ZNF609: variants seen among roughly 807,000 people sequenced by gnomAD.
The protein encoded by ZNF609 is zinc finger protein 609.
ZNF609 carries 11 observed loss-of-function variants against 109.5 expected under a neutral mutation model. The observed-to-expected ratio is 0.10, with a 90% CI of 0.06 to 0.17. The LOEUF (loss-of-function observed/expected upper bound fraction) is 0.17. Ranked by LOEUF, ZNF609 falls within the 10% of genes least tolerant of loss-of-function variation. The pLI, the probability that ZNF609 is intolerant of heterozygous loss-of-function variation, is 1.00. For missense variants in ZNF609, 1,559 were observed against 1,772.4 expected (o/e 0.88, Z 2.16); for synonymous variants, 646 against 662.0 (o/e 0.98, Z 0.37).
rs954246620 is a variant in ZNF609 at position 64,681,757 on chromosome 15, G to A, written c.*71G>A. The stretch of plus-strand genomic sequence containing the variant: ...CTGGCTTACCCAAGGAGGTGCTGAA[G>A]GTGCCGTTTAGACATCAGTTAAATG... On this transcript the variant is annotated 3_prime_UTR_variant, in exon 10 of 10. Transcript: ENST00000326648. The A allele has an allele frequency of 3.2e-5, 6 of 187,084 alleles. No homozygotes were observed. Among genetic ancestry groups the A allele is most frequent in the Non-Finnish European group, 6.7e-5 (6 of 89,546 alleles). 11.6% of individuals were successfully genotyped at this position (187,084 alleles called of 1,614,324 possible).
At chr15:64,575,080 G>T (rs1017330617) in intron 2 of ZNF609, among the ~76,000 whole-genome samples, 1 of 152,172 alleles carries the variant, frequency 6.6e-6, no homozygotes, top group African/African-American at 2.4e-5. Flanking sequence ...TGGTGATGTG[G>T]AAAGTGCTTT....
intron 2 of ZNF609, among the ~76,000 whole-genome samples, chr15:64,571,349 G>C (rs1360808704): frequency 6.6e-6 from 1 of 152,094 alleles, no homozygotes; most frequent in Non-Finnish European, 1.5e-5. Context: ...GCTAAATATA[G>C]TGCTGGCACT....
intron 2 of ZNF609, among the ~76,000 whole-genome samples, chr15:64,527,385 A>G (rs949716531): frequency 1.7e-4 from 25 of 143,838 alleles, no homozygotes; most frequent in African/African-American, 6.5e-4. Flanking sequence ...GGCCCTGCTT[A>G]TTTTCAGAGT....
At position 64,537,946 on chromosome 15, in the gene ZNF609, C is replaced by CA. The variant is rs764180970; in HGVS notation, c.747+37790dup. ...AGAAACCCCGTCTCTACTAAAAATA[C>CA]AAAAAAAAAATTAGCCAGGCATGGT... On this transcript the variant is annotated intron_variant, in intron 2 of 9. Transcript: ENST00000326648. Among the ~76,000 whole-genome samples the CA allele has an allele frequency of 1.9e-3, 284 of 147,686 alleles. 1 individual carries two copies. Among genetic ancestry groups the CA allele is most frequent in the African/African-American group, 5.9e-3 (239 of 40,284 alleles).
chr15:64,677,877 C>A (rs1213793725), intron 5 of ZNF609, among the ~76,000 whole-genome samples: 1 of 152,112 alleles, frequency 6.6e-6, no homozygotes. Flanking sequence ...ATGGATTTTC[C>A]TTTTCTCCCC....
chr15:64,616,382 T>A (rs1895797660), intron 2 of ZNF609, among the ~76,000 whole-genome samples: 1 of 152,086 alleles, frequency 6.6e-6, no homozygotes, highest in Non-Finnish European at 1.5e-5. Context: ...GCAGTTGAAG[T>A]AGGTATATAG....
chr15:64,584,185 A>C (rs1399385557), intron 2 of ZNF609, among the ~76,000 whole-genome samples: 7 of 152,114 alleles, frequency 4.6e-5, no homozygotes, highest in Non-Finnish European at 1.0e-4. Flanking sequence ...TTCCCTGCTG[A>C]TCAGAACTAG....
chr15:64,469,049 AAAAAAAACAAC>A (rs1214957243), intron 1 of ZNF609, among the ~76,000 whole-genome samples: 4,757 of 144,058 alleles, frequency 0.033, 276 homozygotes, highest in Non-Finnish European at 0.051. Flanking sequence ...AAAAAAAAAA[AAAAAAAACAAC>A]ACAATTCAGC....
intron 2 of ZNF609, among the ~76,000 whole-genome samples, chr15:64,575,354 G>A (rs1449672926): frequency 6.6e-6 from 1 of 152,010 alleles, no homozygotes; most frequent in Non-Finnish European, 1.5e-5. Flanking sequence ...AACCTGGGAG[G>A]CGGAGGTTGC....
Position 64,577,228 on chromosome 15 carries a change from CAA to C in ZNF609, c.748-45597_748-45596del, listed in dbSNP as rs1213448892. ...ACATATATATGTATATATATACACA[CAA>C]ATACATACATATATATGTATATATA... is the stretch of plus-strand genomic sequence containing the variant. On this transcript the variant is annotated intron_variant, in intron 2 of 9. Coordinates refer to ENST00000326648, the MANE Select transcript of ZNF609 (RefSeq NM_015042.2). Among the ~76,000 whole-genome samples, 6 of 38,726 alleles carry C rather than the reference CAA, an allele frequency of 1.5e-4. 2 individuals carry two copies. The highest frequency in any genetic ancestry group is 2.6e-4 in the African/African-American group (6 of 23,014). The allele number at this position is 38,726 out of a possible 152,430, so 25.4% of individuals were successfully genotyped here.
chr15:64,495,819 TA>T (rs1893474364), intron 1 of ZNF609, among the ~76,000 whole-genome samples: 1 of 150,746 alleles, frequency 6.6e-6, no homozygotes, highest in Non-Finnish European at 1.5e-5. Flanking sequence ...TTTAACCTGT[TA>T]TCTTTTTTTT....
chr15:64,481,144 T>C (rs1358142658), intron 1 of ZNF609, among the ~76,000 whole-genome samples: 4 of 151,884 alleles, frequency 2.6e-5, no homozygotes, highest in Non-Finnish European at 2.9e-5. Context: ...TATATTAGGG[T>C]GAGTGGAGAG....
chr15:64,636,493 A>G (rs1896178548), intron 3 of ZNF609, among the ~76,000 whole-genome samples: 1 of 152,200 alleles, frequency 6.6e-6, no homozygotes, highest in African/African-American at 2.4e-5. Flanking sequence ...ACCCTGAACT[A>G]ATTTGGTGAA....
rs35996097 is a variant in ZNF609, at chr15:64,647,136, C to CAA, written c.974-23198_974-23197dup. ...GGGGGACAGAGTGAGACCCTGTCTCCAAAAAAAAAAAAATGAAGTTCTGAT... is the reference window on the plus strand; with the variant it reads ...GGGGGACAGAGTGAGACCCTGTCTCCAAAAAAAAAAAAAAATGAAGTTCTGAT... On this transcript the variant is annotated intron_variant, in intron 3 of 9. Coordinates refer to ENST00000326648, the MANE Select transcript of ZNF609 (RefSeq NM_015042.2). 2.1e-4 allele frequency among the ~76,000 whole-genome samples: 25 copies of CAA among 119,900 alleles called. No individual in the cohort carries two copies. In the East Asian group the frequency reaches 3.1e-3, roughly 15 times the overall value. 78.7% of individuals were successfully genotyped at this position (119,900 alleles called of 152,430 possible). A position where few individuals can be genotyped will look rare whatever the true frequency, so the allele number is the denominator to read the frequency against.
At chr15:64,670,583 C>G in intron 4 of ZNF609, 150 bp downstream of exon 4, 1 of 715,398 alleles carries the variant, frequency 1.4e-6, no homozygotes, top group Non-Finnish European at 2.4e-6. Flanking sequence ...ATCTGACATT[C>G]AAGAAGACTG....
intron 2 of ZNF609, among the ~76,000 whole-genome samples, chr15:64,614,705 T>G (rs1895771105): frequency 6.6e-6 from 1 of 152,182 alleles, no homozygotes; most frequent in Non-Finnish European, 1.5e-5. Context: ...GTATTCATTT[T>G]AATCCCTCTG....
At chr15:64,547,218 T>G (rs888691618) in intron 2 of ZNF609, among the ~76,000 whole-genome samples, 1 of 152,246 alleles carries the variant, frequency 6.6e-6, no homozygotes, top group African/African-American at 2.4e-5. Flanking sequence ...TAGCCCTTAT[T>G]TCTAGCAGTT....
At chr15:64,613,120 A>C (rs566662788) in intron 2 of ZNF609, among the ~76,000 whole-genome samples, 10 of 152,306 alleles carry the variant, frequency 6.6e-5, no homozygotes, top group African/African-American at 2.4e-4. Flanking sequence ...CAGGACTTCA[A>C]GACCAGCCTG....
At chr15:64,534,904 G>A (rs1233075948) in intron 2 of ZNF609, among the ~76,000 whole-genome samples, 3 of 151,818 alleles carry the variant, frequency 2.0e-5, no homozygotes, top group Admixed American at 1.3e-4. Flanking sequence ...ATGGTGGCAT[G>A]AGCCTGTAAT....
Sources: gnomAD v4.1 joint callset for allele counts (sites outside exome capture counted in the v4.1 genomes callset) on GRCh38, gnomAD v4.1.1 for gene constraint, MANE v1.5 for transcripts, NCBI Gene and HGNC (gene_info 2026-07-23, HGNC 2026-07-21) for gene names.